Variants in NPSR1 observed in about 807,000 individuals in gnomAD.
The protein encoded by NPSR1 is neuropeptide S receptor 1.
NPSR1 carries 48 observed loss-of-function variants against 46.9 expected under a neutral mutation model. That is an observed-to-expected ratio of 1.02 (90% CI 0.81 to 1.30). The LOEUF is 1.30. NPSR1 is among the 50% of genes most tolerant of loss of function. The probability of loss-of-function intolerance (pLI) is 0.00; values close to 1 mark genes in which losing one functional copy is unlikely to be tolerated. For synonymous variants in NPSR1, 176 were observed against 168.1 expected, an observed-to-expected ratio of 1.05 and a Z score of -0.36; for missense variants, 450 against 449.5, an observed-to-expected ratio of 1.00 and a Z score of -0.01.
chr7:34,667,790 G>T (rs1177760968), intron 1 of NPSR1, among the ~76,000 whole-genome samples: 1 of 151,656 alleles, frequency 6.6e-6, no homozygotes, highest in East Asian at 2.0e-4. Flanking sequence ...TCCTTACCAG[G>T]GCATTCAGCT....
intron 2 of NPSR1, chr7:34,703,786 GA>G (rs1793966943): frequency 6.6e-6 from 1 of 152,232 alleles, no homozygotes; most frequent in Admixed American, 6.6e-5. Flanking sequence ...TATATTTTAT[GA>G]GCTAAAGTGC....
Position 34,844,903 on chromosome 7 carries a change from AC to A in NPSR1, c.766del (p.Leu256CysfsTer58). ...TVISNCSDGK[L>X]CSSYNRGLIS... Reference sequence around the variant, plus strand: ...CCCCTCTTGTATCTACAGATGGGAAACTGTGCAGCAGCTATAACCGAGGACT... The same window carrying A: ...CCCCTCTTGTATCTACAGATGGGAAATGTGCAGCAGCTATAACCGAGGACT... On this transcript the variant is annotated frameshift_variant, in exon 7 of 9. Transcript: ENST00000360581. LOFTEE classifies it high-confidence loss of function. 1 of 1,604,704 alleles carries A rather than the reference AC, an allele frequency of 6.2e-7. No individual in the cohort carries two copies.
At chr7:34,683,446 CA>C (rs34732541) in intron 1 of NPSR1, among the ~76,000 whole-genome samples, 217 of 112,970 alleles carry the variant, frequency 1.9e-3, no homozygotes, top group Middle Eastern at 5.0e-3. Context: ...GACTCTGTCA[CA>C]AAAAAAAAAA....
chr7:34,734,188 T>C (rs1187749483), intron 2 of NPSR1, among the ~76,000 whole-genome samples: 3 of 152,152 alleles, frequency 2.0e-5, no homozygotes, highest in Non-Finnish European at 4.4e-5. Context: ...TAGCTAGATA[T>C]TAGAGATGGC....
chr7:34,664,375 A>G (rs1791630227), intron 1 of NPSR1, among the ~76,000 whole-genome samples: 1 of 152,200 alleles, frequency 6.6e-6, no homozygotes, highest in African/African-American at 2.4e-5. Flanking sequence ...GTATAGCCTT[A>G]AAGAACAGCA....
At chr7:34,704,633 T>C (rs976625409) in intron 2 of NPSR1, among the ~76,000 whole-genome samples, 9 of 152,160 alleles carry the variant, frequency 5.9e-5, no homozygotes, top group African/African-American at 2.2e-4. Flanking sequence ...TACTCAGAGT[T>C]TGGGAGTCAG....
At chr7:34,813,440 G>A (rs2128751401) in intron 4 of NPSR1, among the ~76,000 whole-genome samples, 1 of 152,284 alleles carries the variant, frequency 6.6e-6, no homozygotes, top group South Asian at 2.1e-4. Flanking sequence ...CACAGTCTGG[G>A]TCTAGCTCCA....
chr7:34,824,407 CA>C lies in NPSR1; in HGVS notation c.479-2993del, dbSNP rs1440997690. 1.3e-5 allele frequency among the ~76,000 whole-genome samples: 2 copies of C among 152,178 alleles called. 1 individual carries two copies. The highest frequency in any genetic ancestry group is 2.9e-5 in the Non-Finnish European group (2 of 68,038). On this transcript the variant is annotated intron_variant, in intron 4 of 8. Transcript: ENST00000360581. Reference sequence around the variant, plus strand: ...CTACCTTATATGCAAACCTGCATTTCATCTGTTCGATCCTGGATCCTTCAGC... The same window carrying C: ...CTACCTTATATGCAAACCTGCATTTCTCTGTTCGATCCTGGATCCTTCAGC...
chr7:34,814,944 A>G (rs1789170296), intron 4 of NPSR1, among the ~76,000 whole-genome samples: 3 of 152,220 alleles, frequency 2.0e-5, no homozygotes, highest in African/African-American at 7.2e-5. Flanking sequence ...GGTAGATAAA[A>G]CCACAAAGAT....
intron 8 of NPSR1, among the ~76,000 whole-genome samples, chr7:34,877,867 G>C (rs12701391): frequency 6.6e-6 from 1 of 152,256 alleles, no homozygotes; most frequent in African/African-American, 2.4e-5. Context: ...AGCCCTTAGG[G>C]AAGAGTTGGA....
In NPSR1 at chr7:34,803,040, T is replaced by A. The variant is rs548055182; in HGVS notation, c.385-8730T>A. ...AGCTACCATCTCACACCAGTTAGAATGGCAATCATTAAAAAGTCAGGAAAC... is the reference window on the plus strand; with the variant it reads ...AGCTACCATCTCACACCAGTTAGAAAGGCAATCATTAAAAAGTCAGGAAAC... On this transcript the variant is annotated intron_variant, in intron 3 of 8. Transcript: ENST00000360581. Among the ~76,000 whole-genome samples the A allele has an allele frequency of 9.1e-3, 1,362 of 150,018 alleles. 138 individuals carry two copies. Among genetic ancestry groups the A allele is most frequent in the African/African-American group, 0.033 (1,311 of 39,452 alleles).
intron 6 of NPSR1, among the ~76,000 whole-genome samples, chr7:34,844,256 AAT>A (rs1790671316): frequency 6.6e-6 from 1 of 152,188 alleles, no homozygotes; most frequent in South Asian, 2.1e-4. Context: ...TTAGTCATTG[AAT>A]ATGTGTTTAG....
At chr7:34,845,023 G>C (rs563131781) in intron 7 of NPSR1, 41 bp downstream of exon 7, 1 of 1,422,452 alleles carries the variant, frequency 7.0e-7, no homozygotes, top group African/African-American at 1.4e-5. Context: ...TGGTATGAAC[G>C]TCCCAAAAGC....
At chr7:34,707,929 A>T (rs2128700382) in intron 2 of NPSR1, among the ~76,000 whole-genome samples, 1 of 152,284 alleles carries the variant, frequency 6.6e-6, no homozygotes, top group Non-Finnish European at 1.5e-5. Context: ...GGCCTTTCTC[A>T]TTGGATTGTA....
At chr7:34,852,283 G>C (rs1790952764), downstream of NPSR1, among the ~76,000 whole-genome samples, 1 of 152,098 alleles carries the variant, frequency 6.6e-6, no homozygotes, top group South Asian at 2.1e-4. Flanking sequence ...CTGGGCGAGA[G>C]AGCGAGAATC....
At chr7:34,699,444 G>A (rs1793707696) in intron 2 of NPSR1, among the ~76,000 whole-genome samples, 1 of 152,212 alleles carries the variant, frequency 6.6e-6, no homozygotes, top group Non-Finnish European at 1.5e-5. Context: ...TTAGCCTCAA[G>A]AAGGGAGATG....
chr7:34,779,525 T>C, intron 3 of NPSR1: 2 of 1,038,138 alleles, frequency 1.9e-6, no homozygotes, highest in Admixed American at 3.9e-5. Flanking sequence ...TTTTTTTCAT[T>C]GGTTTTATTA....
At chr7:34,690,791 TG>T (rs1488907980) in intron 2 of NPSR1, among the ~76,000 whole-genome samples, 5 of 152,160 alleles carry the variant, frequency 3.3e-5, no homozygotes, top group African/African-American at 1.2e-4. Flanking sequence ...AGAAAAAGTA[TG>T]GAAAACCTAT....
intron 2 of NPSR1, among the ~76,000 whole-genome samples, chr7:34,685,499 G>GA (rs34485914): frequency 1.1e-4 from 17 of 150,748 alleles, no homozygotes; most frequent in South Asian, 4.2e-4. Flanking sequence ...TCAGACTATA[G>GA]AAAAAAAAAT....
Sources: gnomAD v4.1 joint callset for allele counts (sites outside exome capture counted in the v4.1 genomes callset) on GRCh38, gnomAD v4.1.1 for gene constraint, MANE v1.5 for transcripts, NCBI Gene and HGNC (gene_info 2026-07-23, HGNC 2026-07-21) for gene names.